Variants in ITFG2 observed in about 807,000 individuals in gnomAD.
The protein encoded by ITFG2 is integrin alpha FG-GAP repeat containing 2.
Under a neutral mutation model 54.4 loss-of-function variants are expected in ITFG2, and 36 were observed. The observed-to-expected ratio is 0.66, with a 90% CI of 0.51 to 0.87. ITFG2 has a LOEUF of 0.87. ITFG2 is among the 40% of genes least tolerant of loss of function. The pLI, the probability that ITFG2 is intolerant of heterozygous loss-of-function variation, is 0.00. For synonymous variants in ITFG2, 211 were observed against 225.4 expected (o/e 0.94, Z 0.57); for missense variants, 524 against 576.7 (o/e 0.91, Z 0.94).
At chr12:2,816,758 C>T (rs2097923132) in intron 1 of ITFG2, among the ~76,000 whole-genome samples, 1 of 151,784 alleles carries the variant, frequency 6.6e-6, no homozygotes, top group Admixed American at 6.6e-5. Context: ...TCTCCTGCCT[C>T]GGTGTCCCGA....
In ITFG2 at chr12:2,813,031, T is replaced by C. The variant is rs111498673; in HGVS notation, c.96+175T>C. 394 of 527,558 alleles carry C rather than the reference T, an allele frequency of 7.5e-4. 5 individuals carry two copies. The South Asian group carries it at 9.2e-3, about 12-fold the overall frequency. The allele number at this position is 527,558 out of a possible 1,614,324, so 32.7% of individuals were successfully genotyped here. A position where few individuals can be genotyped will look rare whatever the true frequency, so the allele number is the denominator to read the frequency against. On this transcript the variant is annotated intron_variant, in intron 1 of 11. Transcript: ENST00000228799. The stretch of plus-strand genomic sequence containing the variant: ...CTTCAGTGTTCGTGGTTGGTTTTGT[T>C]CCTTGGGAGGTTTTGTTTGTTTTTT...
chr12:2,826,886 C>T (rs2097969787), downstream of ITFG2: 3 of 861,360 alleles, frequency 3.5e-6, no homozygotes, highest in Non-Finnish European at 4.5e-6. Flanking sequence ...GAGCCTTCGA[C>T]CCAGCCCAAG....
chr12:2,821,126 T>A (rs2097942682), intron 6 of ITFG2, 136 bp from the exon 7 acceptor site: 2 of 762,752 alleles, frequency 2.6e-6, no homozygotes, highest in Admixed American at 2.8e-5. Context: ...GTTTGCCACA[T>A]GGGCCAGATA....
At chr12:2,828,367 G>A (rs140645381), downstream of ITFG2, 17 of 1,614,050 alleles carry the variant, frequency 1.1e-5, no homozygotes, top group Non-Finnish European at 1.4e-5. Flanking sequence ...AGATCCGATT[G>A]TATTGGGTGC....
chr12:2,827,447 G>A, downstream of ITFG2: 3 of 1,527,270 alleles, frequency 2.0e-6, no homozygotes, highest in Admixed American at 4.4e-5. The surrounding 1 kb of genome is among the most constrained non-coding windows in gnomAD (Gnocchi z 4.0). Flanking sequence ...CCTGTTGAAG[G>A]GGGTGACCCA....
chr12:2,827,532 T>C, downstream of ITFG2: 1 of 1,592,894 alleles, frequency 6.3e-7, no homozygotes, highest in South Asian at 1.1e-5. The surrounding 1 kb of genome is among the most constrained non-coding windows in gnomAD (Gnocchi z 4.0). Flanking sequence ...CATCTCTAAG[T>C]CACTCTCATC....
At chr12:2,828,255 T>C (rs573719923), downstream of ITFG2, 1 of 1,314,368 alleles carries the variant, frequency 7.6e-7, no homozygotes, top group African/African-American at 1.5e-5. Context: ...CTGTCGTCAC[T>C]ATCTAATTTG....
chr12:2,834,557 CT>C (rs2098018791), upstream of ITFG2: 6 of 1,504,312 alleles, frequency 4.0e-6, no homozygotes, highest in East Asian at 1.4e-4. Context: ...AGGGTCTGCA[CT>C]TTCTGGTCCT....
At chr12:2,823,653 TCCTGACATCAG>T in intron 10 of ITFG2, 106 bp from the exon 11 acceptor site, 1 of 1,267,040 alleles carries the variant, frequency 7.9e-7, no homozygotes, top group Non-Finnish European at 1.1e-6. Flanking sequence ...TTAATTTTTT[TCCTGACATCAG>T]TGGGAGGATG....
At chr12:2,855,452 G>T in intron 2 of ITFG2, 1 of 1,431,898 alleles carries the variant, frequency 7.0e-7, no homozygotes, top group South Asian at 1.5e-5. Context: ...ACCATCTAGG[G>T]AGAGACAAAA....
exon 4 of ITFG2, chr12:2,859,711 C>G: frequency 1.4e-6 from 2 of 1,424,656 alleles, no homozygotes; most frequent in African/African-American, 1.4e-5. Flanking sequence ...CCAGACAGGA[C>G]GCACAAAAAT....
rs11062381 is a variant in ITFG2 at position 2,845,257 on chromosome 12, A to G, written n.300+4262A>G. Among the ~76,000 whole-genome samples, 34,768 of 152,010 alleles carry G rather than the reference A, an allele frequency of 0.23. 5,243 individuals carry two copies. Among genetic ancestry groups the G allele is most frequent in the African/African-American group, 0.43 (17,699 of 41,428 alleles). On this transcript the variant is annotated intron_variant and non_coding_transcript_variant, in intron 2 of 3. Transcript: ENST00000537710. This position sits in a 1 kb window ranked among gnomAD's most constrained non-coding sequence, Gnocchi z 4.2. ...AAGCTGGAAAGTGAGTTGGGTGGGG[A>G]CTGTCTGCAGAGGGGATCTTGGCTC...
intron 2 of ITFG2, chr12:2,830,601 C>G (rs1325320061): frequency 1.3e-5 from 16 of 1,264,028 alleles, no homozygotes; most frequent in Non-Finnish European, 1.7e-5. Context: ...GAGAGGTGCC[C>G]TTTCTCCCTC....
intron 1 of ITFG2, among the ~76,000 whole-genome samples, chr12:2,813,994 A>G (rs1024529853): frequency 6.6e-5 from 10 of 152,192 alleles, no homozygotes; most frequent in Non-Finnish European, 1.3e-4. Flanking sequence ...CCCAGGCTGG[A>G]GTGCAGTGGT....
chr12:2,852,399 C>G (rs940615867), intron 2 of ITFG2, among the ~76,000 whole-genome samples: 1 of 152,092 alleles, frequency 6.6e-6, no homozygotes, highest in African/African-American at 2.4e-5. Flanking sequence ...TAGGGTCTCA[C>G]CACGTTGCCC....
chr12:2,852,714 G>A (rs77964776), intron 2 of ITFG2, among the ~76,000 whole-genome samples: 4,880 of 152,104 alleles, frequency 0.032, 244 homozygotes, highest in African/African-American at 0.11. Context: ...TGTAAAATGG[G>A]GTTAATGAGG....
In ITFG2 at chr12:2,824,401, G is replaced by A; in HGVS notation, c.*208G>A. On this transcript the variant is annotated 3_prime_UTR_variant, in exon 12 of 12. Coordinates refer to ENST00000228799, the MANE Select transcript of ITFG2 (RefSeq NM_018463.4). ...GAAAGAAGAGACAAGTTGACCCTCT[G>A]CCCATTTCCTTATGGACCTCACCCA... is the stretch of plus-strand genomic sequence containing the variant. 1.5e-6 allele frequency: 1 copy of A among 647,906 alleles called. No individual in the cohort carries two copies. Among genetic ancestry groups the A allele is most frequent in the Non-Finnish European group, 2.8e-6 (1 of 354,934 alleles). 40.1% of individuals were successfully genotyped at this position (647,906 alleles called of 1,614,324 possible). A position where few individuals can be genotyped will look rare whatever the true frequency, so the allele number is the denominator to read the frequency against.
chr12:2,827,245 G>A, downstream of ITFG2: 1 of 1,614,142 alleles, frequency 6.2e-7, no homozygotes, highest in Non-Finnish European at 8.5e-7. This position sits in a 1 kb window ranked among gnomAD's most constrained non-coding sequence, Gnocchi z 4.0. Context: ...AGGAAGGGTA[G>A]CTCTGAGAAC....
chr12:2,855,091 G>T (rs1270975620), intron 2 of ITFG2: 1 of 1,535,932 alleles, frequency 6.5e-7, no homozygotes, highest in Non-Finnish European at 8.7e-7. Context: ...CCCCATCCAG[G>T]AGGGAGGGGG....
Sources: gnomAD v4.1 joint callset for allele counts (sites outside exome capture counted in the v4.1 genomes callset) on GRCh38, gnomAD v4.1.1 for gene constraint, Gnocchi (gnomAD v3.1) non-coding constraint, MANE v1.5 for transcripts, NCBI Gene and HGNC (gene_info 2026-07-23, HGNC 2026-07-21) for gene names.